The following ANKRD6 variants were observed in gnomAD, a reference collection of about 807,000 sequenced individuals.
ANKRD6 encodes ankyrin repeat domain 6, also known as ankyrin repeat domain-containing protein 6.
A neutral mutation model predicts 82.3 loss-of-function variants in ANKRD6; 56 were observed. The ratio of observed to expected loss-of-function variants is 0.68; its 90% CI spans 0.55 to 0.85. The LOEUF (loss-of-function observed/expected upper bound fraction) is 0.85, where lower values mean the gene tolerates loss of function less well. ANKRD6 is among the 40% of genes least tolerant of loss of function. The probability of loss-of-function intolerance (pLI) is 0.00; values close to 1 mark genes in which losing one functional copy is unlikely to be tolerated. For missense variants in ANKRD6, 852 were observed against 907.6 expected, an observed-to-expected ratio of 0.94 and a Z score of 0.79; for synonymous variants, 347 against 352.1, an observed-to-expected ratio of 0.99 and a Z score of 0.16.
At chr6:89,623,792 G>A in intron 11 of ANKRD6, 80 bp from the exon 12 acceptor site, 12 of 1,455,140 alleles carry the variant, frequency 8.2e-6, no homozygotes, top group Non-Finnish European at 1.0e-5. Flanking sequence ...GCCCAAATGG[G>A]GTGACATGGG....
chr6:89,595,815 A>T, intron 2 of ANKRD6, 101 bp from the exon 3 acceptor site: 1 of 858,758 alleles, frequency 1.2e-6, no homozygotes. Context: ...GGGAGTGATC[A>T]TCCGAAAGCC....
At chr6:89,438,723 AC>A (rs902928715) in intron 1 of ANKRD6, among the ~76,000 whole-genome samples, 6 of 151,878 alleles carry the variant, frequency 4.0e-5, no homozygotes, top group African/African-American at 1.5e-4. Flanking sequence ...GCTCACCACA[AC>A]CTCCACCACC....
At chr6:89,457,683 A>G (rs1773657989) in intron 1 of ANKRD6, among the ~76,000 whole-genome samples, 1 of 152,160 alleles carries the variant, frequency 6.6e-6, no homozygotes, top group Non-Finnish European at 1.5e-5. Context: ...ATGGCAGTAG[A>G]TTTTGGCTTA....
At chr6:89,577,443 T>C (rs1463707039) in intron 2 of ANKRD6, among the ~76,000 whole-genome samples, 3 of 152,236 alleles carry the variant, frequency 2.0e-5, no homozygotes, top group Non-Finnish European at 4.4e-5. Flanking sequence ...CCTTGTGCTT[T>C]AGTCAAATAC....
chr6:89,495,823 G>C (rs1378160552), intron 1 of ANKRD6, among the ~76,000 whole-genome samples: 1 of 151,962 alleles, frequency 6.6e-6, no homozygotes, highest in African/African-American at 2.4e-5. Context: ...GACACTTTTT[G>C]TTTATTTCAT....
intron 2 of ANKRD6, among the ~76,000 whole-genome samples, chr6:89,574,070 G>A (rs1790553753): frequency 6.6e-6 from 1 of 152,182 alleles, no homozygotes; most frequent in African/African-American, 2.4e-5. Context: ...ATTTATCTGT[G>A]TTTGACAGAG....
At chr6:89,455,811 G>A (rs1419636564) in intron 1 of ANKRD6, among the ~76,000 whole-genome samples, 1 of 152,058 alleles carries the variant, frequency 6.6e-6, no homozygotes, top group Non-Finnish European at 1.5e-5. Context: ...ACAGCCTGCA[G>A]AACCGTGAAC....
chr6:89,595,894 A>G (rs1207265252), intron 2 of ANKRD6, 22 bp from the exon 3 acceptor site: 3 of 1,581,564 alleles, frequency 1.9e-6, no homozygotes, highest in African/African-American at 1.3e-5. Context: ...TTCCGAAATC[A>G]TTGTTCATTT....
chr6:89,624,538 G>A lies in ANKRD6; in HGVS notation c.1219-1G>A, dbSNP rs761695900. On this transcript the variant is annotated splice_acceptor_variant, in intron 12 of 15. Transcript: ENST00000339746. LOFTEE classifies it high-confidence loss of function. The stretch of plus-strand genomic sequence containing the variant: ...TGATTCCTTTTTTGTTTCTCTCTTA[G>A]GCACCAATAAATGGTTGTCGATGTG... 3.9e-6 allele frequency: 6 copies of A among 1,552,264 alleles called. No individual in the cohort carries two copies. Among genetic ancestry groups the A allele is most frequent in the Non-Finnish European group, 1.7e-6 (2 of 1,147,156 alleles).
At chr6:89,505,285 G>A (rs1237235679) in intron 1 of ANKRD6, among the ~76,000 whole-genome samples, 1 of 152,208 alleles carries the variant, frequency 6.6e-6, no homozygotes, top group African/African-American at 2.4e-5. Flanking sequence ...AAACAGTGGA[G>A]GGATCATTGT....
chr6:89,575,846 T>C (rs910161551), intron 2 of ANKRD6, among the ~76,000 whole-genome samples: 4 of 152,272 alleles, frequency 2.6e-5, no homozygotes, highest in African/African-American at 9.6e-5. Flanking sequence ...ATCTCTTCTG[T>C]CCTGGGAATT....
At chr6:89,449,459 C>T (rs1220013849) in intron 1 of ANKRD6, among the ~76,000 whole-genome samples, 1 of 152,156 alleles carries the variant, frequency 6.6e-6, no homozygotes, top group East Asian at 1.9e-4. Context: ...GATGAAATCA[C>T]TTTTTGTCAG....
intron 3 of ANKRD6, among the ~76,000 whole-genome samples, chr6:89,597,569 T>C (rs1405330656): frequency 6.6e-6 from 1 of 152,220 alleles, no homozygotes; most frequent in East Asian, 1.9e-4. Context: ...AAAGCCTTGC[T>C]AATTTCCTAG....
At chr6:89,514,510 A>G (rs899741105) in intron 1 of ANKRD6, among the ~76,000 whole-genome samples, 1 of 152,200 alleles carries the variant, frequency 6.6e-6, no homozygotes, top group African/African-American at 2.4e-5. Context: ...CAGTGAAGCC[A>G]AAAGATTGGA....
intron 1 of ANKRD6, among the ~76,000 whole-genome samples, chr6:89,454,457 G>T (rs190830803): frequency 1.3e-3 from 203 of 152,320 alleles, no homozygotes; most frequent in African/African-American, 4.7e-3. Flanking sequence ...TGCTCTCTGT[G>T]CAAGAACTGA....
chr6:89,582,814 A>C (rs1689155063), intron 2 of ANKRD6, among the ~76,000 whole-genome samples: 1 of 152,204 alleles, frequency 6.6e-6, no homozygotes, highest in African/African-American at 2.4e-5. Flanking sequence ...TGTCTGTAAA[A>C]TCAGCATAAC....
At chr6:89,479,016 T>C (rs1776443643) in intron 1 of ANKRD6, among the ~76,000 whole-genome samples, 1 of 152,150 alleles carries the variant, frequency 6.6e-6, no homozygotes, top group African/African-American at 2.4e-5. Context: ...GTTTACATAA[T>C]GCAGACATTT....
At chr6:89,510,877 CTGTTG>C (rs1221544172) in intron 1 of ANKRD6, among the ~76,000 whole-genome samples, 1 of 152,172 alleles carries the variant, frequency 6.6e-6, no homozygotes, top group East Asian at 1.9e-4. Flanking sequence ...CAGTGTATAT[CTGTTG>C]GGTAAGTGAG....
intron 1 of ANKRD6, among the ~76,000 whole-genome samples, chr6:89,513,835 C>G (rs982445884): frequency 6.6e-6 from 1 of 152,204 alleles, no homozygotes; most frequent in Non-Finnish European, 1.5e-5. Flanking sequence ...AAGGCAATCT[C>G]TCCCTATTTA....
Sources: gnomAD v4.1 joint callset for allele counts (sites outside exome capture counted in the v4.1 genomes callset) on GRCh38, gnomAD v4.1.1 for gene constraint, MANE v1.5 for transcripts, NCBI Gene and HGNC (gene_info 2026-07-23, HGNC 2026-07-21) for gene names.